BCAS3: variants seen among roughly 807,000 people sequenced by gnomAD.
BCAS3 encodes BCAS3 microtubule associated cell migration factor.
A neutral mutation model predicts 116.1 loss-of-function variants in BCAS3; 53 were observed. The observed-to-expected ratio is 0.46, with a 90% CI of 0.37 to 0.57. BCAS3 has a LOEUF of 0.57. BCAS3 is among the 20% of genes least tolerant of loss of function. The probability of loss-of-function intolerance (pLI) is 0.00; values close to 1 mark genes in which losing one functional copy is unlikely to be tolerated. For synonymous variants in BCAS3, 391 were observed against 408.2 expected (o/e 0.96, Z 0.51); for missense variants, 917 against 1,165.4 (o/e 0.79, Z 3.10).
At chr17:61,039,615 G>A (rs1252107181) in intron 18 of BCAS3, among the ~76,000 whole-genome samples, 1 of 152,060 alleles carries the variant, frequency 6.6e-6, no homozygotes, top group Non-Finnish European at 1.5e-5. Flanking sequence ...TAGAGACAGG[G>A]TTTCACTGTG....
At position 61,154,648 on chromosome 17, in the gene BCAS3, G is replaced by T. The variant is rs927615604; in HGVS notation, c.2425+70084G>T. Among the ~76,000 whole-genome samples, 50 of 151,822 alleles carry T rather than the reference G, an allele frequency of 3.3e-4. 1 individual carries two copies. The highest frequency in any genetic ancestry group is 1.0e-4 in the Non-Finnish European group (7 of 67,968). ...TCTATAGATGAGATCTCTCTACATT[G>T]CCCAGGCTGGTCTCAAACTCCTGAG... On this transcript the variant is annotated intron_variant, in intron 22 of 23. Transcript: ENST00000407086.
intron 22 of BCAS3, among the ~76,000 whole-genome samples, chr17:61,176,350 C>A (rs1246733757): frequency 2.7e-5 from 3 of 110,340 alleles, no homozygotes; most frequent in African/African-American, 9.3e-5. Context: ...AAGCTATTTA[C>A]CCAGAAAATT....
intron 22 of BCAS3, among the ~76,000 whole-genome samples, chr17:61,148,250 G>C (rs1392633769): frequency 6.6e-6 from 1 of 152,140 alleles, no homozygotes; most frequent in African/African-American, 2.4e-5. Context: ...TAGCTGATAG[G>C]TCTGTGAAAC....
rs1603234938 is a variant in BCAS3, at chr17:61,391,429, G to A, written c.2594-548G>A. The A allele has an allele frequency of 1.3e-5, 2 of 153,082 alleles. No individual in the cohort carries two copies. The highest frequency in any genetic ancestry group is 4.8e-5 in the African/African-American group (2 of 41,578). 9.5% of individuals were successfully genotyped at this position (153,082 alleles called of 1,614,324 possible). ...AGGTGCCAAAGATGAGCCAAGACCTGGCCAGCAGATGGACTGTGTGGGTGA... is the reference window on the plus strand; with the variant it reads ...AGGTGCCAAAGATGAGCCAAGACCTAGCCAGCAGATGGACTGTGTGGGTGA... On this transcript the variant is annotated intron_variant, in intron 23 of 23. Transcript: ENST00000407086. This position sits in a 1 kb window ranked among gnomAD's most constrained non-coding sequence, Gnocchi z 7.7.
intron 13 of BCAS3, among the ~76,000 whole-genome samples, chr17:60,937,414 T>C (rs907057899): frequency 6.6e-6 from 1 of 152,158 alleles, no homozygotes; most frequent in Admixed American, 6.5e-5. Context: ...TATCTTGTCC[T>C]CACATTTATT....
Position 61,214,584 on chromosome 17 carries a change from C to T in BCAS3, c.2425+130020C>T, listed in dbSNP as rs1239420037. ...CGGGCGCCTGTAGTCCCAGCTACTC[C>T]GGAGGCTGAGGCAGAAGAACAGCAT... On this transcript the variant is annotated intron_variant, in intron 22 of 23. Transcript: ENST00000407086. The surrounding 1 kb of genome is among the most constrained non-coding windows in gnomAD (Gnocchi z 4.4). Among the ~76,000 whole-genome samples the T allele has an allele frequency of 3.3e-5, 5 of 150,084 alleles. No individual in the cohort carries two copies. The highest frequency in any genetic ancestry group is 2.1e-4 in the South Asian group (1 of 4,746).
At chr17:61,331,814 G>A (rs578214723) in intron 22 of BCAS3, among the ~76,000 whole-genome samples, 5 of 152,166 alleles carry the variant, frequency 3.3e-5, no homozygotes, top group African/African-American at 7.2e-5. Flanking sequence ...TTCTCAGTGT[G>A]TACTCAGCAC....
rs974873437 is a variant in BCAS3 at position 61,073,207 on chromosome 17, G to A, written c.2030-1713G>A. Among the ~76,000 whole-genome samples the A allele has an allele frequency of 6.6e-6, 1 of 152,102 alleles. No homozygotes were observed. The highest frequency in any genetic ancestry group is 2.4e-5 in the African/African-American group (1 of 41,412). On this transcript the variant is annotated intron_variant, in intron 19 of 23. Coordinates refer to ENST00000407086, the MANE Select transcript of BCAS3 (RefSeq NM_017679.5). This position sits in a 1 kb window ranked among gnomAD's most constrained non-coding sequence, Gnocchi z 4.6. ...CAAGAATGTAGGTGTATGCTTTTGT[G>A]ATCATTTGTGTTTTGTACAAATGCC...
chr17:60,700,401 T>A (rs1212738914), intron 4 of BCAS3, among the ~76,000 whole-genome samples: 1 of 152,080 alleles, frequency 6.6e-6, no homozygotes, highest in Admixed American at 6.6e-5. Context: ...TAATGATGCT[T>A]TTCACCAAAA....
intron 22 of BCAS3, among the ~76,000 whole-genome samples, chr17:61,291,396 C>T (rs17513977): frequency 0.047 from 7,218 of 152,174 alleles, 210 homozygotes; most frequent in African/African-American, 0.057. Context: ...TTCTGTAGCT[C>T]CCGGATTATG....
rs1286828968 is a variant in BCAS3 at position 61,087,219 on chromosome 17, T to C, written c.2425+2655T>C. 38 of 985,460 alleles carry C rather than the reference T, an allele frequency of 3.9e-5. No individual in the cohort carries two copies. Among genetic ancestry groups the C allele is most frequent in the Non-Finnish European group, 4.5e-5 (37 of 829,946 alleles). The allele number at this position is 985,460 out of a possible 1,614,324, so 61.0% of individuals were successfully genotyped here. On this transcript the variant is annotated intron_variant, in intron 22 of 23. Coordinates refer to ENST00000407086, the MANE Select transcript of BCAS3 (RefSeq NM_017679.5). This position sits in a 1 kb window ranked among gnomAD's most constrained non-coding sequence, Gnocchi z 4.6. Reference sequence around the variant, plus strand: ...GAAGTTGCTTATCTGGAGGTTTCATTGCCTGTTACTTGGAGATACGACCAG... The same window carrying C: ...GAAGTTGCTTATCTGGAGGTTTCATCGCCTGTTACTTGGAGATACGACCAG...
At chr17:60,893,600 CTTTTTTT>C (rs930873750) in intron 10 of BCAS3, among the ~76,000 whole-genome samples, 14 of 82,056 alleles carry the variant, frequency 1.7e-4, no homozygotes, top group African/African-American at 6.4e-4. Flanking sequence ...GACCTATGAT[CTTTTTTT>C]TTTTTTTTTT....
chr17:61,179,061 G>A (rs16944941), intron 22 of BCAS3, among the ~76,000 whole-genome samples: 1,584 of 151,842 alleles, frequency 0.01, 18 homozygotes, highest in African/African-American at 0.036. Context: ...AGGTAAATTG[G>A]GCCGTCAGCC....
At chr17:61,172,532 G>T (rs758725512) in intron 22 of BCAS3, among the ~76,000 whole-genome samples, 3 of 152,116 alleles carry the variant, frequency 2.0e-5, no homozygotes, top group Non-Finnish European at 2.9e-5. Flanking sequence ...AGCTACTCGG[G>T]AGGCTGAGGA....
chr17:60,868,727 G>T (rs777460667), intron 8 of BCAS3, 44 bp downstream of exon 8: 1 of 1,215,624 alleles, frequency 8.2e-7, no homozygotes, highest in Non-Finnish European at 1.2e-6. Flanking sequence ...TAAGAAACAT[G>T]CTCTCCTGGG....
chr17:60,854,490 G>A (rs2053481934), intron 7 of BCAS3, among the ~76,000 whole-genome samples: 1 of 152,086 alleles, frequency 6.6e-6, no homozygotes, highest in South Asian at 2.1e-4. Context: ...TTCCACAGTG[G>A]TTGAACTACA....
At chr17:61,176,104 A>C (rs1186178551) in intron 22 of BCAS3, among the ~76,000 whole-genome samples, 1 of 141,596 alleles carries the variant, frequency 7.1e-6, no homozygotes, top group Non-Finnish European at 1.5e-5. Flanking sequence ...GTGCCCCTGC[A>C]CTCCAGCCTG....
chr17:61,134,908 A>G lies in BCAS3; in HGVS notation c.2425+50344A>G, dbSNP rs139366423. Among the ~76,000 whole-genome samples the G allele has an allele frequency of 6.2e-3, 938 of 152,232 alleles. 6 individuals are homozygous for G. The highest frequency in any genetic ancestry group is 0.022 in the African/African-American group (896 of 41,538). On this transcript the variant is annotated intron_variant, in intron 22 of 23. Coordinates refer to ENST00000407086, the MANE Select transcript of BCAS3 (RefSeq NM_017679.5). The surrounding 1 kb of genome is among the most constrained non-coding windows in gnomAD (Gnocchi z 4.6). The stretch of plus-strand genomic sequence containing the variant: ...GATTGTTGTTTTGTTTTTTTTTGAA[A>G]TAAAACATTTGTACAAGTCAGTAAA...
intron 22 of BCAS3, among the ~76,000 whole-genome samples, chr17:61,167,547 G>GCT (rs2078585280): frequency 1.3e-5 from 2 of 152,228 alleles, no homozygotes; most frequent in Non-Finnish European, 2.9e-5. Context: ...GCAGATGTCT[G>GCT]TGAAACTGTG....
Sources: allele counts gnomAD v4.1 joint callset (sites outside exome capture counted in the v4.1 genomes callset), GRCh38; gene constraint gnomAD v4.1.1; non-coding constraint Gnocchi (gnomAD v3.1); transcripts MANE v1.5; gene names NCBI Gene and HGNC (gene_info 2026-07-23, HGNC 2026-07-21).